The following MCUR1 variants were observed in gnomAD, a reference collection of about 807,000 sequenced individuals.
The protein encoded by MCUR1 is mitochondrial calcium uniporter regulator 1.
MCUR1 carries 37 observed loss-of-function variants against 42.0 expected under a neutral mutation model. The ratio of observed to expected loss-of-function variants is 0.88; its 90% CI spans 0.68 to 1.16. The LOEUF is 1.16. MCUR1 is among the 50% of genes most tolerant of loss of function. The pLI, the probability that MCUR1 is intolerant of heterozygous loss-of-function variation, is 0.00. For missense variants in MCUR1, 469 were observed against 468.4 expected (o/e 1.00, Z -0.01); for synonymous variants, 229 against 196.2 (o/e 1.17, Z -1.40).
chr6:13,803,687 T>TAC, intron 2 of MCUR1: 1 of 923,954 alleles, frequency 1.1e-6, no homozygotes, highest in Non-Finnish European at 1.3e-6. Context: ...TTTTTCAACA[T>TAC]GTTATACACA....
chr6:13,802,494 T>A, intron 2 of MCUR1, 148 bp from the exon 3 acceptor site: 4 of 576,106 alleles, frequency 6.9e-6, no homozygotes. Context: ...CCACAAACTA[T>A]GACGTGCCGG....
chr6:13,793,821 T>C (rs1004016887), intron 7 of MCUR1, 73 bp downstream of exon 7: 3 of 1,332,016 alleles, frequency 2.3e-6, no homozygotes, highest in African/African-American at 2.9e-5. Flanking sequence ...CTATTATCAT[T>C]ACAAACAACC....
intron 1 of MCUR1, among the ~76,000 whole-genome samples, chr6:13,809,722 C>T (rs1288972766): frequency 1.4e-5 from 2 of 147,922 alleles, no homozygotes; most frequent in African/African-American, 5.1e-5. Flanking sequence ...TGCAAGACCT[C>T]CTCTCAAAAA....
At chr6:13,813,431 T>C (rs144798529) in intron 1 of MCUR1, among the ~76,000 whole-genome samples, 21 of 152,278 alleles carry the variant, frequency 1.4e-4, no homozygotes, top group Admixed American at 6.5e-4. Context: ...TATACATCAA[T>C]TATGCATACG....
chr6:13,807,078 C>T, intron 1 of MCUR1, 34 bp from the exon 2 acceptor site: 1 of 1,564,376 alleles, frequency 6.4e-7, no homozygotes, highest in Non-Finnish European at 8.7e-7. Flanking sequence ...TCAAAACAGA[C>T]TTCATGCAAA....
chr6:13,802,364 C>CA lies in MCUR1; in HGVS notation c.536-19dup, dbSNP rs750939460. 2.0e-5 allele frequency: 31 copies of CA among 1,585,130 alleles called. No homozygotes were observed. The highest frequency in any genetic ancestry group is 5.6e-5 in the South Asian group (5 of 88,918). ...AGCAAACCCTAAGCAAGCACACAAG[C>CA]AAAAAAAATCATGCTCAGAGTTACA... On this transcript the variant is annotated intron_variant, in intron 2 of 8. Coordinates refer to ENST00000379170, the MANE Select transcript of MCUR1 (RefSeq NM_001031713.4).
intron 4 of MCUR1, 114 bp from the exon 5 acceptor site, chr6:13,800,496 A>G (rs1417213768): frequency 1.6e-6 from 1 of 614,700 alleles, no homozygotes. Flanking sequence ...TTCATTCAGA[A>G]CACCGTATTG....
chr6:13,811,177 T>TTGA (rs1447803879), intron 1 of MCUR1, among the ~76,000 whole-genome samples: 3 of 152,172 alleles, frequency 2.0e-5, no homozygotes, highest in African/African-American at 7.2e-5. Flanking sequence ...ATTGAGCCCA[T>TTGA]ACCTGTGTTC....
chr6:13,801,450 T>A (rs969643031), intron 3 of MCUR1, 61 bp from the exon 4 acceptor site: 65 of 1,131,592 alleles, frequency 5.7e-5, no homozygotes, highest in Non-Finnish European at 8.0e-5. Context: ...CTTCCTATCA[T>A]CTCAATGTGC....
At chr6:13,801,492 G>GA in intron 3 of MCUR1, 103 bp from the exon 4 acceptor site, 1 of 756,134 alleles carries the variant, frequency 1.3e-6, no homozygotes. Context: ...GGACAATGTG[G>GA]ACACAAAAAG....
Position 13,791,975 on chromosome 6 carries a change from C to A in MCUR1, c.927G>T (p.Arg309=). 1 of 1,613,898 alleles carries A rather than the reference C, an allele frequency of 6.2e-7. No homozygotes were observed. ...EIVALHAQQD[R]ALTQTDRKIE... The stretch of plus-strand genomic sequence containing the variant: ...TCTTCCTGTCTGTCTGGGTAAGGGC[C>A]CGATCTTGCTGGGCATGCTTTTAAA... The change falls in exon 8 of 9, where the codon CGG becomes CGT. Residue 309 remains arginine, a synonymous_variant. Coordinates refer to ENST00000379170, the MANE Select transcript of MCUR1 (RefSeq NM_001031713.4).
chr6:13,797,803 C>T (rs535916355), intron 6 of MCUR1, among the ~76,000 whole-genome samples: 2 of 152,158 alleles, frequency 1.3e-5, no homozygotes, highest in East Asian at 3.9e-4. Context: ...GTGGGCAGAT[C>T]ACTTGAGGTT....
rs775943741 is a variant in MCUR1, at chr6:13,793,961, G to A, written c.856-14C>T. ...GTTCAATGAATACTGAAATAAACAC[G>A]TAACATGGGTCAGATTCTGATCTAC... On this transcript the variant is annotated splice_polypyrimidine_tract_variant and intron_variant, in intron 6 of 8. Coordinates refer to ENST00000379170, the MANE Select transcript of MCUR1 (RefSeq NM_001031713.4). 5.0e-6 allele frequency: 8 copies of A among 1,612,218 alleles called. No homozygotes were observed. Among genetic ancestry groups the A allele is most frequent in the Admixed American group, 3.3e-5 (2 of 59,972 alleles).
chr6:13,789,694 G>A lies in MCUR1; in HGVS notation c.*1115C>T, dbSNP rs1317276623. ...TTGTATAAAAAGTAAATGAAGACCG[G>A]AAGGAAGCAGACTTTGTCCTGCAAA... On this transcript the variant is annotated 3_prime_UTR_variant, in exon 9 of 9. Transcript: ENST00000379170. 4 of 152,190 alleles carry A rather than the reference G, an allele frequency of 2.6e-5. No homozygotes were observed. The highest frequency in any genetic ancestry group is 5.9e-5 in the Non-Finnish European group (4 of 68,034). The allele number at this position is 152,190 out of a possible 1,614,324, so 9.4% of individuals were successfully genotyped here.
At position 13,806,926 on chromosome 6, in the gene MCUR1, AT is replaced by A. The variant is rs771666478; in HGVS notation, c.533del (p.Asn178MetfsTer43). 6.3e-7 allele frequency: 1 copy of A among 1,599,998 alleles called. No homozygotes were observed. The highest frequency in any genetic ancestry group is 8.5e-7 in the Non-Finnish European group (1 of 1,170,438). On this transcript the variant is annotated frameshift_variant and splice_region_variant, in exon 2 of 9. Coordinates refer to ENST00000379170, the MANE Select transcript of MCUR1 (RefSeq NM_001031713.4). LOFTEE classifies it high-confidence loss of function. The stretch of plus-strand genomic sequence containing the variant: ...AAATGACGAATGACAGAGGATTACC[AT>A]TGTCTTCCAGTAAGCACACTAAGGC... ...THALVCLLEDNGFATQQAEII... is the reference protein window; with the variant it reads ...THALVCLLEDXGFATQQAEII...
intron 2 of MCUR1, among the ~76,000 whole-genome samples, chr6:13,805,432 T>C (rs1434161215): frequency 6.6e-6 from 1 of 152,238 alleles, no homozygotes; most frequent in African/African-American, 2.4e-5. Flanking sequence ...TGACAGTTTT[T>C]CCAAAGTTCA....
At chr6:13,803,566 G>A (rs1760040441) in intron 2 of MCUR1, among the ~76,000 whole-genome samples, 1 of 152,168 alleles carries the variant, frequency 6.6e-6, no homozygotes, top group African/African-American at 2.4e-5. Flanking sequence ...TTGTGTGGCT[G>A]AGATGAAGCA....
intron 7 of MCUR1, among the ~76,000 whole-genome samples, chr6:13,792,801 A>G (rs1397485936): frequency 6.6e-6 from 1 of 152,180 alleles, no homozygotes; most frequent in African/African-American, 2.4e-5. Flanking sequence ...AGTATTCCAG[A>G]GAAATATCCC....
At chr6:13,813,384 A>C (rs1760280222) in intron 1 of MCUR1, among the ~76,000 whole-genome samples, 1 of 152,178 alleles carries the variant, frequency 6.6e-6, no homozygotes, top group Non-Finnish European at 1.5e-5. Context: ...GCATCGAATT[A>C]CGAATATATA....
Sources: allele counts gnomAD v4.1 joint callset (sites outside exome capture counted in the v4.1 genomes callset), GRCh38; gene constraint gnomAD v4.1.1; transcripts MANE v1.5; gene names NCBI Gene and HGNC (gene_info 2026-07-23, HGNC 2026-07-21).